CHTOP: variants seen among roughly 807,000 people sequenced by gnomAD.
The protein encoded by CHTOP is chromatin target of PRMT1.
In CHTOP, 18 loss-of-function variants were observed where a neutral mutation model predicts 33.6. That is an observed-to-expected ratio of 0.54 (90% CI 0.37 to 0.80). CHTOP has a LOEUF of 0.80. Among genes scored for constraint, CHTOP ranks in the 30% least tolerant of loss-of-function variants. The probability of loss-of-function intolerance (pLI) is 0.00; values close to 1 mark genes in which losing one functional copy is unlikely to be tolerated. For missense variants in CHTOP, 263 were observed against 336.8 expected, an observed-to-expected ratio of 0.78 and a Z score of 1.71; for synonymous variants, 117 against 127.7, an observed-to-expected ratio of 0.92 and a Z score of 0.56.
chr1:153,639,427 G>GTC, intron 3 of CHTOP: 6 of 982,278 alleles, frequency 6.1e-6, no homozygotes, highest in Non-Finnish European at 7.3e-6. Context: ...GTGGCTGGGC[G>GTC]TCTGGAGGGC....
At chr1:153,639,620 A>G (rs1442118890) in intron 3 of CHTOP, among the ~76,000 whole-genome samples, 1 of 152,214 alleles carries the variant, frequency 6.6e-6, no homozygotes, top group Admixed American at 6.5e-5. Flanking sequence ...GACTCAGGAA[A>G]GCAGCAAAAG....
At position 153,642,364 on chromosome 1, in the gene CHTOP, C is replaced by T; in HGVS notation, c.338C>T (p.Pro113Leu). The change falls in exon 4 of 6, where the codon CCC (proline) becomes CTC (leucine). Residue 113 changes from proline to leucine, a missense_variant. This residue lies in a region of CHTOP where 168 missense variants were observed against 179.9 expected (regional missense o/e 0.93). Coordinates refer to ENST00000368694, the MANE Select transcript of CHTOP (RefSeq NM_015607.4). ...CTACCCATAATCCAGAGAGGCTTGC[C>T]CAGAGGAGGACTACGTGGGGGACGT... ...RGLPIIQRGL[P>L]RGGLRGGRAT... 6.2e-7 allele frequency: 1 copy of T among 1,614,096 alleles called. No individual in the cohort carries two copies. Among genetic ancestry groups the T allele is most frequent in the Non-Finnish European group, 8.5e-7 (1 of 1,180,004 alleles).
At position 153,636,679 on chromosome 1, in the gene CHTOP, C is replaced by G. The variant is rs768004022; in HGVS notation, c.65+26C>G. On this transcript the variant is annotated intron_variant, in intron 2 of 5. Coordinates refer to ENST00000368694, the MANE Select transcript of CHTOP (RefSeq NM_015607.4). The stretch of plus-strand genomic sequence containing the variant: ...GTGAGGCAGCCAACAGCAACTTCAA[C>G]TCCTTCCTAAGAAAACATTACTTAA... The G allele has an allele frequency of 3.1e-6, 5 of 1,604,852 alleles. No homozygotes were observed. In the East Asian group the frequency reaches 8.9e-5, roughly 29 times the overall value.
intron 5 of CHTOP, 123 bp from the exon 6 acceptor site, chr1:153,644,941 C>T (rs770839649): frequency 3.6e-4 from 287 of 801,198 alleles, no homozygotes; most frequent in Non-Finnish European, 4.0e-4. Flanking sequence ...CAGATTTCTC[C>T]TCTTTGCCCT....
At chr1:153,634,798 A>G (rs1333839355) in intron 1 of CHTOP, among the ~76,000 whole-genome samples, 1 of 151,550 alleles carries the variant, frequency 6.6e-6, no homozygotes, top group Non-Finnish European at 1.5e-5. Flanking sequence ...GTTGAAAGCC[A>G]CTTTTGAAAC....
intron 3 of CHTOP, among the ~76,000 whole-genome samples, chr1:153,641,502 C>T (rs1289429211): frequency 6.6e-6 from 1 of 152,174 alleles, no homozygotes; most frequent in Non-Finnish European, 1.5e-5. Flanking sequence ...ATACGTTTGG[C>T]TGGCTGACTG....
At chr1:153,643,192 T>C in intron 4 of CHTOP, 35 bp from the exon 5 acceptor site, 3 of 1,613,272 alleles carry the variant, frequency 1.9e-6, no homozygotes, top group Non-Finnish European at 2.5e-6. Context: ...TCTCTTGGAT[T>C]TACCTGCATA....
chr1:153,643,119 A>G, intron 4 of CHTOP, 108 bp from the exon 5 acceptor site: 6 of 1,397,228 alleles, frequency 4.3e-6, no homozygotes, highest in Non-Finnish European at 6.1e-6. Flanking sequence ...GCCAACCTAA[A>G]AACTAACTGA....
At position 153,646,158 on chromosome 1, in the gene CHTOP, C is replaced by G. The variant is rs1668819554; in HGVS notation, c.*889C>G. 1 of 152,294 alleles carries G rather than the reference C, an allele frequency of 6.6e-6. No homozygotes were observed. Among genetic ancestry groups the G allele is most frequent in the Admixed American group, 6.5e-5 (1 of 15,294 alleles). 9.4% of individuals were successfully genotyped at this position (152,294 alleles called of 1,614,324 possible). ...TGCAATTATATCCTCATGTTTATCC[C>G]AAACTAATCTTGGACTTTTCCACTC... On this transcript the variant is annotated 3_prime_UTR_variant, in exon 6 of 6. Coordinates refer to ENST00000368694, the MANE Select transcript of CHTOP (RefSeq NM_015607.4).
chr1:153,635,867 C>G (rs1050934453), intron 1 of CHTOP, among the ~76,000 whole-genome samples: 5 of 151,072 alleles, frequency 3.3e-5, no homozygotes, highest in Non-Finnish European at 7.4e-5. Context: ...GCTAGATTGG[C>G]TTCTGCCGTT....
rs746583555 is a variant in CHTOP, at chr1:153,646,033, A to G, written c.*764A>G. 1.3e-5 allele frequency: 2 copies of G among 152,380 alleles called. No individual in the cohort carries two copies. The highest frequency in any genetic ancestry group is 1.9e-4 in the East Asian group (1 of 5,184). 9.4% of individuals were successfully genotyped at this position (152,380 alleles called of 1,614,324 possible). ...TACTATAGGGTTGGTTTATACTGCA[A>G]TATAGAGGATCAGAAGCCATTTGAT... is the stretch of plus-strand genomic sequence containing the variant. On this transcript the variant is annotated 3_prime_UTR_variant, in exon 6 of 6. Transcript: ENST00000368694.
rs1249840829 is a variant in CHTOP at position 153,646,216 on chromosome 1, GGT to G, written c.*948_*949del. On this transcript the variant is annotated 3_prime_UTR_variant, in exon 6 of 6. Transcript: ENST00000368694. ...TTGTTTTGCCCTTGTTTCCCTTGAA[GGT>G]TTAAGTTCAACCATATTCTGTCAAC... is the stretch of plus-strand genomic sequence containing the variant. 2 of 152,112 alleles carry G rather than the reference GGT, an allele frequency of 1.3e-5. No individual in the cohort carries two copies. Among genetic ancestry groups the G allele is most frequent in the Admixed American group, 1.3e-4 (2 of 15,268 alleles). 9.4% of individuals were successfully genotyped at this position (152,112 alleles called of 1,614,324 possible). A position where few individuals can be genotyped will look rare whatever the true frequency, so the allele number is the denominator to read the frequency against.
At chr1:153,641,738 T>C (rs1032216769) in intron 3 of CHTOP, among the ~76,000 whole-genome samples, 1 of 152,224 alleles carries the variant, frequency 6.6e-6, no homozygotes. Flanking sequence ...AAATCAATCT[T>C]GTTCTTAAGT....
At chr1:153,643,475 CTTGTT>C in intron 5 of CHTOP, 111 bp downstream of exon 5, 1 of 1,154,786 alleles carries the variant, frequency 8.7e-7, no homozygotes, top group Non-Finnish European at 1.2e-6. Context: ...CTTTGTTTGT[CTTGTT>C]TTGTTATTTG....
chr1:153,641,444 G>A (rs185800469), intron 3 of CHTOP, among the ~76,000 whole-genome samples: 2 of 152,204 alleles, frequency 1.3e-5, no homozygotes, highest in African/African-American at 4.8e-5. Flanking sequence ...GTGTGTCCTT[G>A]TTCTTATATA....
intron 1 of CHTOP, among the ~76,000 whole-genome samples, chr1:153,635,800 C>T (rs767904926): frequency 4.0e-5 from 6 of 149,882 alleles, no homozygotes; most frequent in Non-Finnish European, 7.4e-5. Context: ...CCAGCCTGGG[C>T]GACAGAGCCA....
At chr1:153,639,899 C>T (rs1668557723) in intron 3 of CHTOP, among the ~76,000 whole-genome samples, 1 of 152,104 alleles carries the variant, frequency 6.6e-6, no homozygotes, top group Non-Finnish European at 1.5e-5. Context: ...TCAAGCGATT[C>T]TCCTGTCTCA....
At chr1:153,639,804 T>TG (rs1302718334) in intron 3 of CHTOP, among the ~76,000 whole-genome samples, 1 of 150,660 alleles carries the variant, frequency 6.6e-6, no homozygotes, top group Non-Finnish European at 1.5e-5. Flanking sequence ...TGGTTTGGTT[T>TG]GTTTTGAGAC....
chr1:153,640,087 A>G (rs114745890), intron 3 of CHTOP, among the ~76,000 whole-genome samples: 2,930 of 152,284 alleles, frequency 0.019, 98 homozygotes, highest in African/African-American at 0.068. Context: ...ACTTTCTACA[A>G]TGATGGAAAT....
Sources: allele counts gnomAD v4.1 joint callset (sites outside exome capture counted in the v4.1 genomes callset), GRCh38; gene constraint gnomAD v4.1.1; regional missense constraint gnomAD v4.1.1; transcripts MANE v1.5; gene names NCBI Gene and HGNC (gene_info 2026-07-23, HGNC 2026-07-21).